KIF26B: variants seen among roughly 807,000 people sequenced by gnomAD.
KIF26B encodes the protein kinesin family member 26B, also known as kinesin-like protein KIF26B.
KIF26B carries 63 observed loss-of-function variants against 151.2 expected under a neutral mutation model. The ratio of observed to expected loss-of-function variants is 0.42; its 90% CI spans 0.34 to 0.51. The LOEUF is 0.51. KIF26B is among the 20% of genes least tolerant of loss of function. KIF26B has a pLI of 0.07. For synonymous variants in KIF26B, 1,357 were observed against 1,262.1 expected (o/e 1.08, Z -1.59); for missense variants, 2,813 against 2,913.6 (o/e 0.97, Z 0.79).
At chr1:245,610,854 G>A (rs2043513050) in intron 8 of KIF26B, among the ~76,000 whole-genome samples, 1 of 152,178 alleles carries the variant, frequency 6.6e-6, no homozygotes, top group Admixed American at 6.5e-5. Flanking sequence ...ATGGCCTCAG[G>A]TTCTAAATAT....
chr1:245,231,313 G>C (rs1196326626), intron 2 of KIF26B, among the ~76,000 whole-genome samples: 5 of 152,056 alleles, frequency 3.3e-5, no homozygotes, highest in Admixed American at 2.0e-4. Flanking sequence ...TCAGGAGTCT[G>C]AGACCAGCCT....
At chr1:245,330,826 G>GGGAGAGTCGGA (rs1672093857) in intron 2 of KIF26B, among the ~76,000 whole-genome samples, 1 of 140,562 alleles carries the variant, frequency 7.1e-6, no homozygotes, top group Non-Finnish European at 1.6e-5. Context: ...GGAGAGTCGG[G>GGGAGAGTCGGA]GAGGGAGTGG....
At chr1:245,383,452 G>T (rs983394632) in intron 3 of KIF26B, among the ~76,000 whole-genome samples, 1 of 152,216 alleles carries the variant, frequency 6.6e-6, no homozygotes, top group Non-Finnish European at 1.5e-5. Context: ...AAAGGCAGCT[G>T]AGACTGTGTA....
At chr1:245,554,267 G>A (rs549720018) in intron 5 of KIF26B, among the ~76,000 whole-genome samples, 2 of 152,224 alleles carry the variant, frequency 1.3e-5, no homozygotes, top group South Asian at 2.1e-4. Context: ...TTCCTATTGC[G>A]TTCATATCCC....
chr1:245,425,551 C>T (rs545629544), intron 4 of KIF26B, among the ~76,000 whole-genome samples: 15 of 152,242 alleles, frequency 9.9e-5, no homozygotes, highest in East Asian at 5.8e-4. Context: ...GGACTACAGG[C>T]GTCCAACACC....
rs755719751 is a variant in KIF26B at position 245,560,921 on chromosome 1, G to A, written c.1350+19971G>A. On this transcript the variant is annotated intron_variant, in intron 5 of 14. Coordinates refer to ENST00000407071, the MANE Select transcript of KIF26B (RefSeq NM_018012.4). This position sits in a 1 kb window ranked among gnomAD's most constrained non-coding sequence, Gnocchi z 4.3. The stretch of plus-strand genomic sequence containing the variant: ...AATTGCAGCCCCTAAGGGGAGCCGT[G>A]CTAAGGTGTGATACAGGCCATGCCC... Among the ~76,000 whole-genome samples the A allele has an allele frequency of 6.6e-6, 1 of 152,204 alleles. No individual in the cohort carries two copies.
chr1:245,330,405 G>T, intron 2 of KIF26B, among the ~76,000 whole-genome samples: 1 of 18,190 alleles, frequency 5.5e-5, no homozygotes, highest in South Asian at 1.0e-3. Context: ...ATGAGCAGCA[G>T]GGACAACGGG....
At chr1:245,194,499 C>T (rs1471353852) in intron 2 of KIF26B, among the ~76,000 whole-genome samples, 1 of 152,166 alleles carries the variant, frequency 6.6e-6, no homozygotes, top group East Asian at 1.9e-4. Context: ...GCCTCAGGCC[C>T]CCAAGTAGCT....
chr1:245,441,063 C>T (rs1221622734), intron 4 of KIF26B, among the ~76,000 whole-genome samples: 1 of 152,230 alleles, frequency 6.6e-6, no homozygotes, highest in Non-Finnish European at 1.5e-5. Context: ...AGGTGACGGC[C>T]TGGCGTTCTC....
rs138204001 is a variant in KIF26B at position 245,360,886 on chromosome 1, C to T, written c.466-5948C>T. ...AAAATTAGCCGGGTGTGGCGGTGAA[C>T]GCCTGTAGTCCCATCCACTTGGGAG... On this transcript the variant is annotated intron_variant, in intron 2 of 14. Coordinates refer to ENST00000407071, the MANE Select transcript of KIF26B (RefSeq NM_018012.4). 9.2e-3 allele frequency among the ~76,000 whole-genome samples: 1,396 copies of T among 152,202 alleles called. 19 individuals are homozygous for T. The highest frequency in any genetic ancestry group is 0.04 in the East Asian group (207 of 5,178).
rs561835482 is a variant in KIF26B at position 245,418,795 on chromosome 1, C to T, written c.1000-784C>T. ...TTATTATATTTGCCGTGGGGATTAG[C>T]ACTTTTCAAAAGTGTATTTCTACAC... On this transcript the variant is annotated intron_variant, in intron 3 of 14. Transcript: ENST00000407071. Among the ~76,000 whole-genome samples, 11 of 152,270 alleles carry T rather than the reference C, an allele frequency of 7.2e-5. No individual in the cohort carries two copies. The East Asian group carries it at 2.1e-3, about 29-fold the overall frequency.
chr1:245,461,470 G>A (rs770940067), intron 4 of KIF26B, among the ~76,000 whole-genome samples: 7 of 151,988 alleles, frequency 4.6e-5, no homozygotes, highest in Non-Finnish European at 7.4e-5. Flanking sequence ...AATTAGATCC[G>A]CTCATCACGT....
intron 2 of KIF26B, among the ~76,000 whole-genome samples, chr1:245,356,574 A>G (rs1048840220): frequency 3.9e-5 from 6 of 152,050 alleles, no homozygotes; most frequent in African/African-American, 1.5e-4. Flanking sequence ...AAAAAAAATT[A>G]AAAAATTCCT....
At position 245,643,252 on chromosome 1, in the gene KIF26B, C is replaced by G. The variant is rs555524642; in HGVS notation, c.2099-2869C>G. On this transcript the variant is annotated intron_variant, in intron 9 of 14. Coordinates refer to ENST00000407071, the MANE Select transcript of KIF26B (RefSeq NM_018012.4). ...ATGGTTTGGTTCAAAATATTATTTTCTGTTTTCTATTTGTCCCATCTGATC... is the reference window on the plus strand; with the variant it reads ...ATGGTTTGGTTCAAAATATTATTTTGTGTTTTCTATTTGTCCCATCTGATC... Among the ~76,000 whole-genome samples, 3 of 152,134 alleles carry G rather than the reference C, an allele frequency of 2.0e-5. No individual in the cohort carries two copies. The South Asian group carries it at 6.2e-4, about 32-fold the overall frequency.
chr1:245,291,079 G>C (rs1220339895), intron 2 of KIF26B, among the ~76,000 whole-genome samples: 2 of 152,158 alleles, frequency 1.3e-5, no homozygotes, highest in East Asian at 3.9e-4. Context: ...AGTGGCAACT[G>C]GGCAGGGCTG....
intron 5 of KIF26B, among the ~76,000 whole-genome samples, chr1:245,578,628 C>T (rs2043147181): frequency 6.6e-6 from 1 of 152,216 alleles, no homozygotes; most frequent in Admixed American, 6.5e-5. Flanking sequence ...TAGAAGCTTT[C>T]CTGCTGGGCC....
At chr1:245,253,754 A>C (rs1359638101) in intron 2 of KIF26B, among the ~76,000 whole-genome samples, 1 of 150,334 alleles carries the variant, frequency 6.7e-6, no homozygotes, top group Non-Finnish European at 1.5e-5. Context: ...ATATAGATTA[A>C]AAAATTTTGT....
chr1:245,501,979 T>C (rs1427199166), intron 4 of KIF26B, among the ~76,000 whole-genome samples: 6 of 152,120 alleles, frequency 3.9e-5, no homozygotes, highest in African/African-American at 1.4e-4. Context: ...ATCCAAAGTT[T>C]TCATACAAAC....
intron 2 of KIF26B, among the ~76,000 whole-genome samples, chr1:245,196,360 C>T (rs4658724): frequency 1 from 151,957 of 152,294 alleles, 75,813 homozygotes; most frequent in Middle Eastern, 1. Flanking sequence ...AAACAACCTT[C>T]CACTGTGTTT....
Sources: allele counts gnomAD v4.1 joint callset (sites outside exome capture counted in the v4.1 genomes callset), GRCh38; gene constraint gnomAD v4.1.1; non-coding constraint Gnocchi (gnomAD v3.1); transcripts MANE v1.5; gene names NCBI Gene and HGNC (gene_info 2026-07-23, HGNC 2026-07-21).